The following FBXL4 variants were observed in gnomAD, a reference collection of about 807,000 sequenced individuals.
The protein encoded by FBXL4 is F-box/LRR-repeat protein 4.
In FBXL4, 40 loss-of-function variants were observed where a neutral mutation model predicts 58.9. The ratio of observed to expected loss-of-function variants is 0.68; its 90% CI spans 0.53 to 0.88. The LOEUF is 0.88. FBXL4 is among the 40% of genes least tolerant of loss of function. The pLI is 0.00. For missense variants in FBXL4, 676 were observed against 734.4 expected, an observed-to-expected ratio of 0.92 and a Z score of 0.92; for synonymous variants, 263 against 265.5, an observed-to-expected ratio of 0.99 and a Z score of 0.09.
chr6:98,917,756 G>A (rs1309294174), intron 4 of FBXL4, 37 bp from the exon 5 acceptor site: 3 of 1,476,542 alleles, frequency 2.0e-6, no homozygotes, highest in African/African-American at 2.8e-5. Context: ...ATACAGTTTA[G>A]AATGAGATCT....
rs978596638 is a variant in FBXL4, at chr6:98,899,609, T to C, written c.1104-128A>G. ...ATTTCTATTAGGGAAAATGTAAAATTTGTTTTGCTTAAATTCTTATTCACT... is the reference window on the plus strand; with the variant it reads ...ATTTCTATTAGGGAAAATGTAAAATCTGTTTTGCTTAAATTCTTATTCACT... On this transcript the variant is annotated intron_variant, in intron 6 of 9. Coordinates refer to ENST00000369244, the MANE Select transcript of FBXL4 (RefSeq NM_001278716.2). The C allele has an allele frequency of 6.8e-6, 8 of 1,168,730 alleles. No homozygotes were observed. In the African/African-American group the frequency reaches 1.1e-4, roughly 16 times the overall value. 72.4% of individuals were successfully genotyped at this position (1,168,730 alleles called of 1,614,324 possible).
chr6:98,878,030 T>A (rs1770716595), intron 8 of FBXL4, among the ~76,000 whole-genome samples: 1 of 152,214 alleles, frequency 6.6e-6, no homozygotes, highest in East Asian at 1.9e-4. Flanking sequence ...CTGGCACTTG[T>A]GGCACAAAGA....
At chr6:98,916,096 G>A (rs1316139692) in intron 5 of FBXL4, among the ~76,000 whole-genome samples, 7 of 152,172 alleles carry the variant, frequency 4.6e-5, no homozygotes, top group South Asian at 2.1e-4. Context: ...TCAGAGAAAC[G>A]CAAATCAAAA....
chr6:98,940,226 T>G (rs867231864), intron 1 of FBXL4, among the ~76,000 whole-genome samples: 2 of 152,304 alleles, frequency 1.3e-5, no homozygotes, highest in Middle Eastern at 6.8e-3. Context: ...AATTTGCAAG[T>G]TTTTCAAATT....
At chr6:98,931,882 A>G (rs535694182) in intron 2 of FBXL4, among the ~76,000 whole-genome samples, 13 of 152,368 alleles carry the variant, frequency 8.5e-5, no homozygotes, top group South Asian at 2.1e-4. Flanking sequence ...ACCAATGCAG[A>G]AGTCCAAATT....
chr6:98,889,678 C>CAA (rs34182678), intron 7 of FBXL4, among the ~76,000 whole-genome samples: 63 of 72,058 alleles, frequency 8.7e-4, no homozygotes, highest in East Asian at 6.0e-3. Flanking sequence ...CACCCTGTCT[C>CAA]AAAAAAAAAA....
At chr6:98,892,539 A>G (rs1351574455) in intron 7 of FBXL4, among the ~76,000 whole-genome samples, 1 of 152,218 alleles carries the variant, frequency 6.6e-6, no homozygotes, top group African/African-American at 2.4e-5. Flanking sequence ...GGAGACCACC[A>G]TATACGCATG....
intron 5 of FBXL4, among the ~76,000 whole-genome samples, chr6:98,911,316 G>A (rs967381559): frequency 6.6e-6 from 1 of 152,204 alleles, no homozygotes; most frequent in African/African-American, 2.4e-5. Context: ...TGACACCTTT[G>A]AGGAGAGCAG....
chr6:98,920,897 G>C (rs577589618), intron 4 of FBXL4, among the ~76,000 whole-genome samples: 12 of 151,358 alleles, frequency 7.9e-5, no homozygotes, highest in African/African-American at 2.7e-4. Context: ...CTAGCCCCAG[G>C]GCAGTGTTGA....
At chr6:98,916,395 T>G (rs1485304798) in intron 5 of FBXL4, among the ~76,000 whole-genome samples, 1 of 152,104 alleles carries the variant, frequency 6.6e-6, no homozygotes, top group Non-Finnish European at 1.5e-5. Context: ...CTATTCACAA[T>G]AGCAAAGACT....
At chr6:98,920,500 T>C (rs922226640) in intron 4 of FBXL4, among the ~76,000 whole-genome samples, 1 of 152,108 alleles carries the variant, frequency 6.6e-6, no homozygotes, top group Non-Finnish European at 1.5e-5. Context: ...CATTAGTTTC[T>C]ATATTTTACT....
intron 6 of FBXL4, among the ~76,000 whole-genome samples, chr6:98,903,463 T>C (rs1395246357): frequency 1.3e-5 from 2 of 152,132 alleles, no homozygotes; most frequent in East Asian, 3.8e-4. Flanking sequence ...TACAGTAAAA[T>C]ATGAGAACTT....
intron 5 of FBXL4, among the ~76,000 whole-genome samples, 158 bp downstream of exon 5, chr6:98,917,214 CAT>C (rs1772393332): frequency 6.6e-6 from 1 of 152,144 alleles, no homozygotes; most frequent in South Asian, 2.1e-4. Context: ...TTAGTTAAAA[CAT>C]GATTTTGTCT....
intron 5 of FBXL4, among the ~76,000 whole-genome samples, chr6:98,912,388 G>C (rs962817857): frequency 2.6e-5 from 4 of 152,114 alleles, no homozygotes; most frequent in Non-Finnish European, 5.9e-5. Context: ...ATTCACCAAA[G>C]TTGAAATGAA....
At chr6:98,900,297 T>C (rs568789410) in intron 6 of FBXL4, among the ~76,000 whole-genome samples, 9 of 152,188 alleles carry the variant, frequency 5.9e-5, no homozygotes, top group Non-Finnish European at 1.2e-4. Flanking sequence ...GTGTACCAAT[T>C]ATGCCTGTCC....
At chr6:98,911,950 A>G (rs1460789740) in intron 5 of FBXL4, among the ~76,000 whole-genome samples, 3 of 152,230 alleles carry the variant, frequency 2.0e-5, no homozygotes, top group Non-Finnish European at 4.4e-5. Context: ...CAAATGTATA[A>G]CTAGAATAAC....
chr6:98,912,696 C>G (rs1476817446), intron 5 of FBXL4, among the ~76,000 whole-genome samples: 4 of 152,034 alleles, frequency 2.6e-5, no homozygotes, highest in Non-Finnish European at 4.4e-5. Flanking sequence ...TGGAAAGGCA[C>G]AACCGGTACC....
At chr6:98,911,101 T>G (rs1772041527) in intron 5 of FBXL4, among the ~76,000 whole-genome samples, 1 of 152,138 alleles carries the variant, frequency 6.6e-6, no homozygotes, top group African/African-American at 2.4e-5. Context: ...GAGATCAAAC[T>G]GCAAGGTGGC....
chr6:98,900,312 C>T (rs913537873), intron 6 of FBXL4, among the ~76,000 whole-genome samples: 3 of 152,206 alleles, frequency 2.0e-5, no homozygotes, highest in African/African-American at 7.2e-5. Flanking sequence ...CTGTCCAGGT[C>T]TCTTGACATA....
Sources: allele counts gnomAD v4.1 joint callset (sites outside exome capture counted in the v4.1 genomes callset), GRCh38; gene constraint gnomAD v4.1.1; transcripts MANE v1.5; gene names NCBI Gene and HGNC (gene_info 2026-07-23, HGNC 2026-07-21).